The following DMGDH variants were observed in gnomAD, a reference collection of about 807,000 sequenced individuals.
DMGDH encodes the protein dimethylglycine dehydrogenase.
Under a neutral mutation model 95.2 loss-of-function variants are expected in DMGDH, and 76 were observed. The ratio of observed to expected loss-of-function variants is 0.80; its 90% CI spans 0.66 to 0.97. The LOEUF is 0.97. DMGDH is among the 50% of genes least tolerant of loss of function. The probability of loss-of-function intolerance (pLI) is 0.00; values close to 1 mark genes in which losing one functional copy is unlikely to be tolerated. For synonymous variants in DMGDH, 345 were observed against 377.6 expected, an observed-to-expected ratio of 0.91 and a Z score of 1.00; for missense variants, 987 against 1,055.0, an observed-to-expected ratio of 0.94 and a Z score of 0.89.
chr5:79,007,960 G>A (rs1255045261), intron 14 of DMGDH, among the ~76,000 whole-genome samples: 4 of 152,098 alleles, frequency 2.6e-5, no homozygotes, highest in Admixed American at 2.0e-4. Context: ...GTTTTAACAG[G>A]AAAATGTTTT....
intron 5 of DMGDH, among the ~76,000 whole-genome samples, chr5:79,048,768 TACAC>T (rs35837828): frequency 0.22 from 31,696 of 147,142 alleles, 5,074 homozygotes; most frequent in African/African-American, 0.46. Flanking sequence ...AAAACACACA[TACAC>T]ACACACACAC....
At position 78,998,058 on chromosome 5, in the gene DMGDH, C is replaced by CAGT. The variant is rs770701227; in HGVS notation, c.*21_*23dup. On this transcript the variant is annotated 3_prime_UTR_variant, in exon 16 of 16. Transcript: ENST00000255189. The stretch of plus-strand genomic sequence containing the variant: ...AGGACAGTCATTAGCAACTCTAATT[C>CAGT]AGTTGACTGCTGAAGGTCTTTTTTC... The CAGT allele has an allele frequency of 6.2e-7, 1 of 1,612,040 alleles. No homozygotes were observed.
intron 1 of DMGDH, among the ~76,000 whole-genome samples, chr5:79,067,300 C>T (rs758754537): frequency 6.6e-6 from 1 of 152,132 alleles, no homozygotes; most frequent in Non-Finnish European, 1.5e-5. Flanking sequence ...ACATATGACC[C>T]AACTACTTTG....
intron 5 of DMGDH, among the ~76,000 whole-genome samples, chr5:79,049,884 T>A (rs1754785740): frequency 6.6e-6 from 1 of 152,160 alleles, no homozygotes; most frequent in African/African-American, 2.4e-5. Flanking sequence ...TGAGAGAAAT[T>A]CGGAAATAAC....
intron 2 of DMGDH, among the ~76,000 whole-genome samples, chr5:79,058,629 A>G (rs1755101205): frequency 6.6e-6 from 1 of 152,220 alleles, no homozygotes; most frequent in African/African-American, 2.4e-5. Flanking sequence ...TGTCGTTTGG[A>G]AAAAGTGATT....
Position 79,042,342 on chromosome 5 carries a change from A to C in DMGDH, c.1134T>G (p.Ile378Met). Residue 378 changes from isoleucine to methionine, a missense_variant, in exon 7 of 16, where the codon ATT (isoleucine) becomes ATG (methionine). Coordinates refer to ENST00000255189, the MANE Select transcript of DMGDH (RefSeq NM_013391.3). The stretch of plus-strand genomic sequence containing the variant: ...CCTGATGGGGCCCCACCATAGGCAG[A>C]ATGTCAGGAGAATACGTGATAGGAC... ...VNGPITYSPD[I>M]LPMVGPHQGV... 6.2e-7 allele frequency: 1 copy of C among 1,614,242 alleles called. No homozygotes were observed. The highest frequency in any genetic ancestry group is 8.5e-7 in the Non-Finnish European group (1 of 1,180,036).
intron 15 of DMGDH, among the ~76,000 whole-genome samples, chr5:79,003,723 G>A (rs569728557): frequency 4.6e-4 from 70 of 152,278 alleles, no homozygotes; most frequent in African/African-American, 1.6e-3. Flanking sequence ...GCCAAGGTGG[G>A]TGTATCACCT....
intron 15 of DMGDH, among the ~76,000 whole-genome samples, chr5:79,003,816 A>G (rs1281790508): frequency 6.6e-6 from 1 of 152,076 alleles, no homozygotes; most frequent in Non-Finnish European, 1.5e-5. Flanking sequence ...GCATGGTGGC[A>G]CGCACCTGTA....
At chr5:79,030,731 T>TA (rs1754143081) in intron 10 of DMGDH, 102 bp downstream of exon 10, 2 of 1,208,138 alleles carry the variant, frequency 1.7e-6, no homozygotes, top group Non-Finnish European at 2.4e-6. Flanking sequence ...TGAAGAGTTC[T>TA]AGTGTTCATC....
chr5:79,047,472 T>C (rs1754712722), intron 5 of DMGDH, among the ~76,000 whole-genome samples: 1 of 152,150 alleles, frequency 6.6e-6, no homozygotes, highest in Admixed American at 6.6e-5. Context: ...ATTTGCCATG[T>C]TAGGAAAATT....
intron 7 of DMGDH, among the ~76,000 whole-genome samples, chr5:79,039,614 G>A (rs1384926876): frequency 1.3e-5 from 2 of 151,958 alleles, no homozygotes; most frequent in Non-Finnish European, 2.9e-5. Flanking sequence ...GCTAAATGAC[G>A]AGTTAATGGG....
chr5:79,032,992 G>A, intron 8 of DMGDH, 152 bp from the exon 9 acceptor site: 1 of 1,118,102 alleles, frequency 8.9e-7, no homozygotes, highest in East Asian at 2.5e-5. Flanking sequence ...AGAAAACAGA[G>A]CTGTCATTTA....
intron 9 of DMGDH, among the ~76,000 whole-genome samples, chr5:79,032,385 C>T (rs991593747): frequency 1.3e-5 from 2 of 152,190 alleles, no homozygotes; most frequent in African/African-American, 4.8e-5. Context: ...TAGGAGCCAA[C>T]TGAAGCCAGG....
rs761250761 is a variant in DMGDH at position 79,050,273 on chromosome 5, AATAT to A, written c.745+1010_745+1013del. Among the ~76,000 whole-genome samples the A allele has an allele frequency of 8.4e-3, 175 of 20,846 alleles. 2 individuals are homozygous for A. Among genetic ancestry groups the A allele is most frequent in the Middle Eastern group, 0.025 (1 of 40 alleles). 13.7% of individuals were successfully genotyped at this position (20,846 alleles called of 152,430 possible). ...CAAAAAAAAAAAAAAAAAAAAAAAA[AATAT>A]ATATATATATATATATATATATATA... On this transcript the variant is annotated intron_variant, in intron 5 of 15. Coordinates refer to ENST00000255189, the MANE Select transcript of DMGDH (RefSeq NM_013391.3).
chr5:79,018,556 G>A (rs6877621), intron 14 of DMGDH, among the ~76,000 whole-genome samples: 50,192 of 151,774 alleles, frequency 0.33, 9,073 homozygotes, highest in African/African-American at 0.48. Flanking sequence ...AAGGGGCATG[G>A]ACACCCCGGG....
chr5:79,016,058 C>A (rs184488736), intron 14 of DMGDH, among the ~76,000 whole-genome samples: 359 of 152,014 alleles, frequency 2.4e-3, no homozygotes, highest in African/African-American at 8.4e-3. Flanking sequence ...CATGGTGAAA[C>A]CCCGTCTCTA....
At chr5:79,062,868 C>T (rs904235179) in intron 2 of DMGDH, among the ~76,000 whole-genome samples, 4 of 152,062 alleles carry the variant, frequency 2.6e-5, no homozygotes. Context: ...CCAAGGCAGG[C>T]GGATCATGAG....
rs780406415 is a variant in DMGDH, at chr5:79,029,992, G to C, written c.1726C>G (p.Arg576Gly). ...NISHMLTPKG[R>G]VYAELTVSHQ... is the part of the protein sequence containing the mutation. Reference sequence around the variant, plus strand: ...GAAACAGTCAGCTCAGCATACACTCGACCCTTGGGTGTTAACATGTGACTT... The same window carrying C: ...GAAACAGTCAGCTCAGCATACACTCCACCCTTGGGTGTTAACATGTGACTT... Residue 576 changes from arginine (R) to glycine (G), a missense_variant, in exon 11 of 16, where the codon CGA becomes GGA. Physicochemically the swap from Arg to Gly is moderately radical, Grantham distance 125. Transcript: ENST00000255189. The C allele has an allele frequency of 1.2e-5, 19 of 1,613,794 alleles. No homozygotes were observed. The highest frequency in any genetic ancestry group is 4.4e-5 in the South Asian group (4 of 91,062).
chr5:79,047,660 T>G (rs1166165158), intron 5 of DMGDH, among the ~76,000 whole-genome samples: 1 of 152,152 alleles, frequency 6.6e-6, no homozygotes, highest in Non-Finnish European at 1.5e-5. Flanking sequence ...AAAGCTTTGG[T>G]AACTAAAGGC....
Sources: gnomAD v4.1 joint callset for allele counts (sites outside exome capture counted in the v4.1 genomes callset) on GRCh38, gnomAD v4.1.1 for gene constraint, MANE v1.5 for transcripts, NCBI Gene and HGNC (gene_info 2026-07-23, HGNC 2026-07-21) for gene names.